Variants in ASXL2 observed in about 807,000 individuals in gnomAD.
ASXL2 encodes the protein putative Polycomb group protein ASXL2.
In ASXL2, 23 loss-of-function variants were observed where a neutral mutation model predicts 122.0. That is an observed-to-expected ratio of 0.19 (90% CI 0.14 to 0.27). The LOEUF (loss-of-function observed/expected upper bound fraction) is 0.27, where lower values mean the gene tolerates loss of function less well. ASXL2 is among the 10% of genes least tolerant of loss of function. The pLI is 1.00. For missense variants in ASXL2, 1,518 were observed against 1,713.8 expected, an observed-to-expected ratio of 0.89 and a Z score of 2.02; for synonymous variants, 650 against 637.0, an observed-to-expected ratio of 1.02 and a Z score of -0.31.
chr2:25,803,174 A>G (rs2089025960), intron 4 of ASXL2, among the ~76,000 whole-genome samples: 1 of 152,218 alleles, frequency 6.6e-6, no homozygotes, highest in South Asian at 2.1e-4. Context: ...TGAATGATTT[A>G]GCTGATCACA....
At chr2:25,763,182 C>T (rs1222523422) in intron 8 of ASXL2, among the ~76,000 whole-genome samples, 1 of 152,134 alleles carries the variant, frequency 6.6e-6, no homozygotes, top group African/African-American at 2.4e-5. Flanking sequence ...GGAGCTATCA[C>T]TCACTAAAAA....
chr2:25,786,763 A>T (rs909486278), intron 5 of ASXL2, among the ~76,000 whole-genome samples: 11 of 152,110 alleles, frequency 7.2e-5, no homozygotes, highest in African/African-American at 2.4e-4. Context: ...CCAAGGCATG[A>T]GAATTTGCTT....
intron 11 of ASXL2, among the ~76,000 whole-genome samples, chr2:25,751,159 G>A (rs1034167219): frequency 8.5e-5 from 13 of 152,284 alleles, no homozygotes; most frequent in Middle Eastern, 3.4e-3. Flanking sequence ...TTAGAATACT[G>A]TACAACATGT....
chr2:25,827,543 C>A (rs138322662), intron 3 of ASXL2, among the ~76,000 whole-genome samples: 193 of 152,258 alleles, frequency 1.3e-3, no homozygotes, highest in African/African-American at 4.3e-3. Flanking sequence ...TTGATTCATT[C>A]GGATTAACAA....
intron 2 of ASXL2, among the ~76,000 whole-genome samples, chr2:25,842,812 GTTTT>G (rs1169367029): frequency 6.7e-6 from 1 of 148,640 alleles, no homozygotes; most frequent in African/African-American, 2.5e-5. Context: ...ATATATATAT[GTTTT>G]TTTTGTTTGT....
intron 7 of ASXL2, 131 bp from the exon 8 acceptor site, chr2:25,767,857 T>C (rs997625431): frequency 6.7e-6 from 7 of 1,052,454 alleles, no homozygotes; most frequent in South Asian, 1.7e-5. Context: ...GTGTTTTGAG[T>C]TTGAAAATTA....
chr2:25,878,182 G>A lies in ASXL2; in HGVS notation c.41C>T (p.Ala14Val). ...KGRRKKGRTW[A>V]EAAKTVLEKY... is the part of the protein sequence containing the mutation. ...CCCCCTTACCGTCTTGGCGGCCTCC[G>A]CCCAGGTCCTGCCCTTCTTCCTACG... Residue 14 changes from alanine to valine, a missense_variant, in exon 1 of 13, where the codon GCG (alanine) becomes GTG (valine). By Grantham distance (64) the Ala-to-Val change is moderately conservative. Transcript: ENST00000435504. The A allele has an allele frequency of 1.2e-6, 2 of 1,613,418 alleles. No homozygotes were observed. Among genetic ancestry groups the A allele is most frequent in the Non-Finnish European group, 8.5e-7 (1 of 1,179,816 alleles).
At position 25,735,954 on chromosome 2, in the gene ASXL2, T is replaced by C. The variant is rs1222510914; in HGVS notation, c.*6075A>G. ...TTGGGAAAAAGGTAGTATTACTCCT[T>C]GAGCCTAGAACTAAAAACATGCTGT... On this transcript the variant is annotated 3_prime_UTR_variant, in exon 13 of 13. Coordinates refer to ENST00000435504, the MANE Select transcript of ASXL2 (RefSeq NM_018263.6). 1 of 152,216 alleles carries C rather than the reference T, an allele frequency of 6.6e-6. No individual in the cohort carries two copies. The highest frequency in any genetic ancestry group is 1.5e-5 in the Non-Finnish European group (1 of 68,030). 9.4% of individuals were successfully genotyped at this position (152,216 alleles called of 1,614,324 possible). A position where few individuals can be genotyped will look rare whatever the true frequency, so the allele number is the denominator to read the frequency against.
chr2:25,817,239 G>T (rs2089249579), intron 3 of ASXL2, among the ~76,000 whole-genome samples: 1 of 152,140 alleles, frequency 6.6e-6, no homozygotes, highest in Non-Finnish European at 1.5e-5. Flanking sequence ...AACAAGGAAT[G>T]GAGAAACTAT....
chr2:25,848,423 C>T (rs1453882338), intron 1 of ASXL2, among the ~76,000 whole-genome samples: 2 of 151,602 alleles, frequency 1.3e-5, no homozygotes, highest in African/African-American at 4.9e-5. Flanking sequence ...GAGATCGAGA[C>T]CATCCTGGCT....
At chr2:25,827,739 CT>C (rs1453053884) in intron 3 of ASXL2, among the ~76,000 whole-genome samples, 2 of 151,910 alleles carry the variant, frequency 1.3e-5, no homozygotes, top group Non-Finnish European at 2.9e-5. Flanking sequence ...TGTAGGAAAA[CT>C]TTTAAACAAG....
chr2:25,742,441 T>C lies in ASXL2; in HGVS notation c.3896A>G (p.Asp1299Gly), dbSNP rs375737665. The C allele has an allele frequency of 1.2e-6, 2 of 1,611,000 alleles. No individual in the cohort carries two copies. Among genetic ancestry groups the C allele is most frequent in the Non-Finnish European group, 1.7e-6 (2 of 1,178,588 alleles). Residue 1299 changes from aspartate to glycine, a missense_variant, in exon 13 of 13, where the codon GAC becomes GGC. This residue lies in a region of ASXL2 where 831 missense variants were observed against 833.1 expected (regional missense o/e 1.00). Coordinates refer to ENST00000435504, the MANE Select transcript of ASXL2 (RefSeq NM_018263.6). ...FSSTVLPLPA[D>G]SPTHQPLLLP... ...GAGTAGGGGCTGGTGGGTGGGGCTG[T>C]CTGCAGGCAGAGGAAGAACAGTAGA...
chr2:25,820,077 A>G (rs1181741375), intron 3 of ASXL2, among the ~76,000 whole-genome samples: 1 of 152,000 alleles, frequency 6.6e-6, no homozygotes, highest in Non-Finnish European at 1.5e-5. Flanking sequence ...ATACCTGGCT[A>G]ATTATTTTAT....
intron 5 of ASXL2, among the ~76,000 whole-genome samples, chr2:25,799,014 T>C (rs1026088310): frequency 6.6e-6 from 1 of 152,060 alleles, no homozygotes; most frequent in African/African-American, 2.4e-5. Context: ...TGGTGGAGAA[T>C]GTGGCTAGTG....
chr2:25,787,420 C>T (rs1022270551), intron 5 of ASXL2, among the ~76,000 whole-genome samples: 2 of 152,156 alleles, frequency 1.3e-5, no homozygotes, highest in African/African-American at 4.8e-5. Context: ...AAAGCTGACA[C>T]GAAAAGTATG....
At chr2:25,822,095 T>A (rs2089318824) in intron 3 of ASXL2, among the ~76,000 whole-genome samples, 1 of 152,212 alleles carries the variant, frequency 6.6e-6, no homozygotes, top group Non-Finnish European at 1.5e-5. Flanking sequence ...GAAGAATTCA[T>A]CTTCCACCTT....
At chr2:25,747,072 G>A (rs1488950805) in intron 12 of ASXL2, among the ~76,000 whole-genome samples, 1 of 152,118 alleles carries the variant, frequency 6.6e-6, no homozygotes, top group Non-Finnish European at 1.5e-5. Flanking sequence ...CTAACATAAT[G>A]TAAATGCTAT....
At chr2:25,844,696 G>A (rs1253981583) in intron 2 of ASXL2, among the ~76,000 whole-genome samples, 2 of 151,178 alleles carry the variant, frequency 1.3e-5, no homozygotes, top group African/African-American at 2.4e-5. Flanking sequence ...CACCAAGGCT[G>A]GGGTACAATA....
intron 3 of ASXL2, among the ~76,000 whole-genome samples, chr2:25,827,910 GCTTTAC>G (rs2089397844): frequency 1.3e-5 from 2 of 151,932 alleles, no homozygotes; most frequent in African/African-American, 4.8e-5. Context: ...GTTGTTGTTT[GCTTTAC>G]CTTACCGTTA....
Sources: allele counts gnomAD v4.1 joint callset (sites outside exome capture counted in the v4.1 genomes callset), GRCh38; gene constraint gnomAD v4.1.1; regional missense constraint gnomAD v4.1.1; transcripts MANE v1.5; gene names NCBI Gene and HGNC (gene_info 2026-07-23, HGNC 2026-07-21).